Variants in SRGAP3 observed in about 807,000 individuals in gnomAD.
SRGAP3 encodes the protein SLIT-ROBO Rho GTPase activating protein 3.
Under a neutral mutation model 121.1 loss-of-function variants are expected in SRGAP3, and 39 were observed. The observed-to-expected ratio is 0.32, with a 90% CI of 0.25 to 0.42. The LOEUF is 0.42. Among genes scored for constraint, SRGAP3 ranks in the 10% least tolerant of loss-of-function variants. SRGAP3 has a pLI of 1.00. For missense variants in SRGAP3, 1,213 were observed against 1,470.6 expected, an observed-to-expected ratio of 0.82 and a Z score of 2.86; for synonymous variants, 601 against 570.0, an observed-to-expected ratio of 1.05 and a Z score of -0.77.
At chr3:9,055,063 G>A (rs1035641475) in intron 8 of SRGAP3, among the ~76,000 whole-genome samples, 2 of 152,124 alleles carry the variant, frequency 1.3e-5, no homozygotes, top group African/African-American at 4.8e-5. Context: ...ATCCTTTGGG[G>A]GAAGATGTAG....
chr3:9,337,320 G>A (rs1955709572), intron 1 of SRGAP3, among the ~76,000 whole-genome samples: 2 of 152,108 alleles, frequency 1.3e-5, no homozygotes, highest in African/African-American at 4.8e-5. Flanking sequence ...CCATGGCCTA[G>A]TCAATTTGAC....
chr3:9,070,339 A>T (rs2675175), intron 4 of SRGAP3, among the ~76,000 whole-genome samples: 87,725 of 127,306 alleles, frequency 0.69, 26,380 homozygotes, highest in African/African-American at 0.78. Context: ...ACAGTGGCTC[A>T]CTGCTTCCAG....
chr3:9,055,982 G>A (rs1476436286), intron 8 of SRGAP3, among the ~76,000 whole-genome samples: 4 of 152,040 alleles, frequency 2.6e-5, no homozygotes, highest in Non-Finnish European at 4.4e-5. Context: ...TCACTGAAAC[G>A]TCTGCCTCCC....
At chr3:9,349,922 C>T (rs2030002063) in intron 1 of SRGAP3, 1 of 152,124 alleles carries the variant, frequency 6.6e-6, no homozygotes, top group Admixed American at 6.5e-5. Flanking sequence ...CAATGAAATG[C>T]CTCTTGGTCT....
intron 21 of SRGAP3, among the ~76,000 whole-genome samples, chr3:8,988,903 G>A (rs949015774): frequency 2.8e-4 from 43 of 152,306 alleles, no homozygotes; most frequent in Admixed American, 9.2e-4. Context: ...CAGAGCTCAC[G>A]CAATAATGCT....
At chr3:9,359,515 G>C (rs533259814) in intron 1 of SRGAP3, among the ~76,000 whole-genome samples, 1 of 152,250 alleles carries the variant, frequency 6.6e-6, no homozygotes, top group Non-Finnish European at 1.5e-5. Context: ...AAAGTGATTG[G>C]ACAAAAAAAT....
chr3:9,022,284 C>T lies in SRGAP3; in HGVS notation c.1678+2977G>A, dbSNP rs184911965. On this transcript the variant is annotated intron_variant, in intron 14 of 21. Coordinates refer to ENST00000383836, the MANE Select transcript of SRGAP3 (RefSeq NM_014850.4). ...CGGAGGTTGCAGTGAGCCGAGATTC[C>T]GCCACCGCACTCCAGCCTGGTGACA... Among the ~76,000 whole-genome samples, 144 of 152,302 alleles carry T rather than the reference C, an allele frequency of 9.5e-4. 4 individuals are homozygous for T. In the East Asian group the frequency reaches 0.021, roughly 22 times the overall value.
chr3:9,205,351 C>T (rs1280472571), intron 1 of SRGAP3, among the ~76,000 whole-genome samples: 1 of 152,226 alleles, frequency 6.6e-6, no homozygotes, highest in Non-Finnish European at 1.5e-5. Flanking sequence ...TTCTCAGAAT[C>T]CATCGTGGAT....
chr3:9,038,045 C>G lies in SRGAP3; in HGVS notation c.1436+18G>C, dbSNP rs1944845997. 1 of 1,614,206 alleles carries G rather than the reference C, an allele frequency of 6.2e-7. No homozygotes were observed. The highest frequency in any genetic ancestry group is 8.5e-7 in the Non-Finnish European group (1 of 1,180,030). ...CTCGGGCAGCAGATGAAAGAAAACA[C>G]AACTCTCCCACTCTCACCTGGTGGT... On this transcript the variant is annotated intron_variant, in intron 11 of 21. Coordinates refer to ENST00000383836, the MANE Select transcript of SRGAP3 (RefSeq NM_014850.4).
intron 11 of SRGAP3, chr3:9,036,258 C>T (rs1393726810): frequency 6.6e-6 from 1 of 152,196 alleles, no homozygotes; most frequent in Admixed American, 6.5e-5. Context: ...TGATATCCAC[C>T]TCGTGTGGGA....
chr3:9,006,224 C>T (rs1024935428), intron 18 of SRGAP3, among the ~76,000 whole-genome samples: 3 of 152,006 alleles, frequency 2.0e-5, no homozygotes, highest in Admixed American at 2.0e-4. Context: ...CATGGTGAAA[C>T]CCCGTCTCTA....
chr3:9,046,747 C>A (rs1338165310), intron 10 of SRGAP3, among the ~76,000 whole-genome samples: 8 of 152,186 alleles, frequency 5.3e-5, no homozygotes, highest in Non-Finnish European at 1.2e-4. Flanking sequence ...CACTCCCTAC[C>A]TGATGGATGC....
At chr3:9,318,916 A>T (rs896845008) in intron 3 of SRGAP3, among the ~76,000 whole-genome samples, 1 of 151,150 alleles carries the variant, frequency 6.6e-6, no homozygotes, top group Non-Finnish European at 1.5e-5. Context: ...AAGAAAGAAA[A>T]TCAAAGCCAG....
rs149776728 is a variant in SRGAP3 at position 9,232,107 on chromosome 3, G to A, written c.67+16778C>T. 2.3e-3 allele frequency among the ~76,000 whole-genome samples: 343 copies of A among 152,206 alleles called. 1 individual carries two copies. The highest frequency in any genetic ancestry group is 3.1e-3 in the Non-Finnish European group (208 of 68,014). On this transcript the variant is annotated intron_variant, in intron 1 of 21. Transcript: ENST00000383836. ...TCCTCACTGCGTGGGGGAATAATTC[G>A]GTAAAATATTACGTTTCATTTCAGC...
upstream of SRGAP3, among the ~76,000 whole-genome samples, chr3:9,253,634 C>T (rs1954064570): frequency 6.6e-6 from 1 of 152,192 alleles, no homozygotes. Context: ...CAAATACATC[C>T]TTGGGCAGCT....
intron 2 of SRGAP3, among the ~76,000 whole-genome samples, chr3:9,111,472 G>C (rs1054992750): frequency 6.6e-6 from 1 of 152,208 alleles, no homozygotes; most frequent in Non-Finnish European, 1.5e-5. Flanking sequence ...ACTAAGTAAA[G>C]AACAGCCTGG....
intron 1 of SRGAP3, among the ~76,000 whole-genome samples, chr3:9,354,485 C>T (rs975746054): frequency 7.9e-5 from 12 of 152,128 alleles, no homozygotes; most frequent in African/African-American, 2.6e-4. Context: ...CGAAACCATC[C>T]TGGCTAACAC....
intron 1 of SRGAP3, among the ~76,000 whole-genome samples, chr3:9,155,406 T>G (rs1244186657): frequency 2.6e-5 from 4 of 152,210 alleles, no homozygotes; most frequent in Non-Finnish European, 5.9e-5. Flanking sequence ...TCATGGTGAT[T>G]TTTCAATCCC....
At chr3:9,363,008 G>A (rs1188753000) in exon 1 of SRGAP3, 1 of 152,254 alleles carries the variant, frequency 6.6e-6, no homozygotes, top group Non-Finnish European at 1.5e-5. Flanking sequence ...CCCGCCGCCA[G>A]CGCGGAGCCA....
Sources: gnomAD v4.1 joint callset for allele counts (sites outside exome capture counted in the v4.1 genomes callset) on GRCh38, gnomAD v4.1.1 for gene constraint, MANE v1.5 for transcripts, NCBI Gene and HGNC (gene_info 2026-07-23, HGNC 2026-07-21) for gene names.